MLLT10: variants seen among roughly 807,000 people sequenced by gnomAD.
MLLT10 encodes the protein protein AF-10.
MLLT10 carries 30 observed loss-of-function variants against 129.1 expected under a neutral mutation model. The observed-to-expected ratio is 0.23, with a 90% CI of 0.17 to 0.32. The LOEUF is 0.32. Ranked by LOEUF, MLLT10 falls within the 10% of genes least tolerant of loss-of-function variation. The probability of loss-of-function intolerance (pLI) is 1.00; values close to 1 mark genes in which losing one functional copy is unlikely to be tolerated. For synonymous variants in MLLT10, 490 were observed against 446.4 expected (o/e 1.10, Z -1.23); for missense variants, 1,119 against 1,268.3 (o/e 0.88, Z 1.79).
intron 8 of MLLT10, among the ~76,000 whole-genome samples, chr10:21,645,633 T>C (rs1406692829): frequency 6.6e-6 from 1 of 152,232 alleles, no homozygotes; most frequent in Non-Finnish European, 1.5e-5. Context: ...CAAATCTTTT[T>C]AATAATTTAC....
intron 3 of MLLT10, among the ~76,000 whole-genome samples, chr10:21,585,691 G>A (rs765606298): frequency 1.8e-4 from 28 of 152,134 alleles, no homozygotes; most frequent in Non-Finnish European, 1.8e-4. Context: ...TTTTTCTCCC[G>A]CTCCCCAGGT....
intron 3 of MLLT10, among the ~76,000 whole-genome samples, chr10:21,559,101 T>C (rs1448348929): frequency 9.9e-5 from 15 of 152,124 alleles, no homozygotes; most frequent in Non-Finnish European, 1.5e-4. Context: ...TCTTTCTTTT[T>C]GAGACAGAAT....
chr10:21,705,780 T>G (rs1209386005), intron 13 of MLLT10, among the ~76,000 whole-genome samples: 1 of 152,214 alleles, frequency 6.6e-6, no homozygotes, highest in African/African-American at 2.4e-5. Context: ...CTTAAGATGG[T>G]GCTTTGCTGT....
At chr10:21,688,434 G>A in intron 13 of MLLT10, 1 of 1,424,336 alleles carries the variant, frequency 7.0e-7, no homozygotes, top group Admixed American at 1.7e-5. Flanking sequence ...GTCTGTCATG[G>A]TGGTTTTTAG....
At chr10:21,699,803 C>T (rs953155911) in intron 13 of MLLT10, among the ~76,000 whole-genome samples, 9 of 152,148 alleles carry the variant, frequency 5.9e-5, no homozygotes, top group African/African-American at 1.7e-4. Context: ...TTTGAAGTGA[C>T]GTAGCATGAT....
chr10:21,741,685 A>G (rs1428718890), intron 22 of MLLT10, among the ~76,000 whole-genome samples: 1 of 152,216 alleles, frequency 6.6e-6, no homozygotes, highest in Non-Finnish European at 1.5e-5. Flanking sequence ...TGAATTCTGC[A>G]TTCATTCTTT....
At chr10:21,670,002 G>T (rs1192940263) in intron 9 of MLLT10, among the ~76,000 whole-genome samples, 6 of 151,890 alleles carry the variant, frequency 4.0e-5, no homozygotes, top group Non-Finnish European at 1.5e-5. Context: ...TAAACTCATG[G>T]ATATGGTCCT....
At chr10:21,696,618 T>A (rs2054388339) in intron 13 of MLLT10, among the ~76,000 whole-genome samples, 1 of 152,214 alleles carries the variant, frequency 6.6e-6, no homozygotes, top group Non-Finnish European at 1.5e-5. Flanking sequence ...AATGTTATTT[T>A]AAATTTTTTT....
At chr10:21,649,519 T>C (rs1457887784) in intron 8 of MLLT10, among the ~76,000 whole-genome samples, 3 of 152,270 alleles carry the variant, frequency 2.0e-5, no homozygotes, top group African/African-American at 7.2e-5. Flanking sequence ...GGATGATTTA[T>C]CTTTCTTCCA....
chr10:21,712,117 G>A (rs957606853), intron 13 of MLLT10, among the ~76,000 whole-genome samples: 1 of 152,228 alleles, frequency 6.6e-6, no homozygotes, highest in African/African-American at 2.4e-5. Context: ...ATAGCTGTAA[G>A]GCTTTTTAAA....
intron 14 of MLLT10, among the ~76,000 whole-genome samples, chr10:21,724,955 C>CA (rs1432123512): frequency 6.6e-6 from 1 of 152,058 alleles, no homozygotes; most frequent in Non-Finnish European, 1.5e-5. Flanking sequence ...GGCTTGCTGC[C>CA]AAAAAGACAG....
chr10:21,640,179 T>TA (rs1408282917), intron 8 of MLLT10, among the ~76,000 whole-genome samples: 1 of 145,224 alleles, frequency 6.9e-6, no homozygotes, highest in Non-Finnish European at 1.5e-5. Context: ...ATATATAATA[T>TA]CAAATATTAT....
At chr10:21,626,248 A>G in intron 8 of MLLT10, 1 of 1,560,224 alleles carries the variant, frequency 6.4e-7, no homozygotes, top group East Asian at 2.2e-5. Flanking sequence ...TGAGAGCATC[A>G]ATTGCTCTTT....
chr10:21,664,683 C>T (rs1486422604), intron 9 of MLLT10, among the ~76,000 whole-genome samples: 1 of 152,012 alleles, frequency 6.6e-6, no homozygotes, highest in African/African-American at 2.4e-5. Flanking sequence ...ATTAAGTTTT[C>T]TATATCCTTA....
At chr10:21,662,027 C>T (rs903960102) in intron 9 of MLLT10, among the ~76,000 whole-genome samples, 1 of 151,660 alleles carries the variant, frequency 6.6e-6, no homozygotes, top group Non-Finnish European at 1.5e-5. Context: ...TTCACCCTCT[C>T]ATCACACTTT....
At chr10:21,673,310 C>A in intron 10 of MLLT10, 40 bp from the exon 11 acceptor site, 1 of 593,366 alleles carries the variant, frequency 1.7e-6, no homozygotes, top group Non-Finnish European at 2.4e-6. Context: ...GTCCCCCCCA[C>A]CCCCCAACTT....
chr10:21,660,764 C>T (rs1207659848), intron 9 of MLLT10, among the ~76,000 whole-genome samples: 2 of 150,568 alleles, frequency 1.3e-5, no homozygotes, highest in Non-Finnish European at 3.0e-5. Context: ...ATCCCAGCTA[C>T]TCAGGAGGCT....
intron 13 of MLLT10, among the ~76,000 whole-genome samples, chr10:21,707,224 G>A (rs915260095): frequency 7.6e-6 from 1 of 131,184 alleles, no homozygotes; most frequent in African/African-American, 3.0e-5. Flanking sequence ...ACGGAGTTTC[G>A]CTCTGTTGCC....
chr10:21,716,688 C>CT (rs762921726), intron 14 of MLLT10, among the ~76,000 whole-genome samples: 19 of 150,780 alleles, frequency 1.3e-4, no homozygotes, highest in Admixed American at 3.3e-4. Context: ...GAGCCAGACT[C>CT]TGTCTCCCCA....
Sources: allele counts gnomAD v4.1 joint callset (sites outside exome capture counted in the v4.1 genomes callset), GRCh38; gene constraint gnomAD v4.1.1; transcripts MANE v1.5; gene names NCBI Gene and HGNC (gene_info 2026-07-23, HGNC 2026-07-21).